The following GASK1B variants were observed in gnomAD, a reference collection of about 807,000 sequenced individuals.
The protein encoded by GASK1B is Golgi-associated kinase 1B.
A neutral mutation model predicts 42.8 loss-of-function variants in GASK1B; 34 were observed. The ratio of observed to expected loss-of-function variants is 0.79; its 90% CI spans 0.60 to 1.06. The LOEUF is 1.06. GASK1B is among the 50% of genes least tolerant of loss of function. GASK1B has a pLI of 0.00. For missense variants in GASK1B, 686 were observed against 661.0 expected (o/e 1.04, Z -0.42); for synonymous variants, 262 against 259.1 (o/e 1.01, Z -0.11).
At chr4:158,139,290 A>G (rs1216696187) in intron 3 of GASK1B, among the ~76,000 whole-genome samples, 3 of 152,208 alleles carry the variant, frequency 2.0e-5, no homozygotes, top group African/African-American at 7.2e-5. Flanking sequence ...TATACTTTAT[A>G]CAGTGCAGGT....
intron 2 of GASK1B, chr4:158,170,121 C>A (rs1458409493): frequency 2.9e-6 from 3 of 1,024,684 alleles, no homozygotes; most frequent in East Asian, 2.6e-5. Context: ...TCAGCAAGTT[C>A]TTTGCCTCCA....
At chr4:158,149,751 G>A (rs1433158151) in intron 3 of GASK1B, among the ~76,000 whole-genome samples, 1 of 151,878 alleles carries the variant, frequency 6.6e-6, no homozygotes, top group East Asian at 1.9e-4. Context: ...TTAATCCAAG[G>A]ATAACTTGGT....
rs1434589916 is a variant in GASK1B, at chr4:158,126,690, A to C, written c.*717T>G. The C allele has an allele frequency of 6.6e-6, 1 of 152,186 alleles. No individual in the cohort carries two copies. Among genetic ancestry groups the C allele is most frequent in the Non-Finnish European group, 1.5e-5 (1 of 68,026 alleles). 9.4% of individuals were successfully genotyped at this position (152,186 alleles called of 1,614,324 possible). A position where few individuals can be genotyped will look rare whatever the true frequency, so the allele number is the denominator to read the frequency against. ...TCAGCCACTAGATACAAATTGGACC[A>C]AAATAGAGAGAGTAAAACTCTTTAA... On this transcript the variant is annotated 3_prime_UTR_variant, in exon 5 of 5. Transcript: ENST00000585682.
Position 158,154,968 on chromosome 4 carries a change from T to C in GASK1B, c.1125+643A>G, listed in dbSNP as rs144809569. Among the ~76,000 whole-genome samples the C allele has an allele frequency of 8.5e-4, 129 of 152,214 alleles. 1 individual carries two copies. The highest frequency in any genetic ancestry group is 3.1e-3 in the African/African-American group (127 of 41,522). ...AAATCACCGCTAAATAATGTACCCA[T>C]GTAACAAAACACCACCTGTCCCCCC... is the stretch of plus-strand genomic sequence containing the variant. On this transcript the variant is annotated intron_variant, in intron 3 of 4. Transcript: ENST00000585682.
chr4:158,170,338 G>A (rs772098128), intron 2 of GASK1B, 128 bp downstream of exon 2: 10 of 1,614,150 alleles, frequency 6.2e-6, no homozygotes, highest in Admixed American at 1.7e-5. Flanking sequence ...AAGACACGCT[G>A]CTGCTGCTGC....
intron 2 of GASK1B, among the ~76,000 whole-genome samples, chr4:158,159,313 C>A (rs560428837): frequency 2.6e-5 from 4 of 152,102 alleles, no homozygotes. Context: ...GGCCTTCTTG[C>A]TACATATACG....
chr4:158,136,082 G>T lies in GASK1B; in HGVS notation c.1126-5070C>A, dbSNP rs529363414. Among the ~76,000 whole-genome samples the T allele has an allele frequency of 1.6e-4, 24 of 152,274 alleles. No individual in the cohort carries two copies. In the South Asian group the frequency reaches 3.1e-3, roughly 20 times the overall value. Reference sequence around the variant, plus strand: ...CAAATTATTATCAAAGTTTCTAAATGCTTACTTGTAACTTTGCATTATCTC... The same window carrying T: ...CAAATTATTATCAAAGTTTCTAAATTCTTACTTGTAACTTTGCATTATCTC... On this transcript the variant is annotated intron_variant, in intron 3 of 4. Coordinates refer to ENST00000585682, the MANE Select transcript of GASK1B (RefSeq NM_001128424.2).
At chr4:158,141,993 G>GGACT (rs1302731000) in intron 3 of GASK1B, among the ~76,000 whole-genome samples, 22 of 106,472 alleles carry the variant, frequency 2.1e-4, no homozygotes, top group African/African-American at 7.5e-4. Flanking sequence ...GCCGGACTGC[G>GGACT]GACTGCAGTG....
intron 2 of GASK1B, among the ~76,000 whole-genome samples, chr4:158,165,457 ATGTGAT>A (rs1732194616): frequency 6.6e-6 from 1 of 152,164 alleles, no homozygotes; most frequent in African/African-American, 2.4e-5. Flanking sequence ...ATTGATACAC[ATGTGAT>A]TGTTTATGGT....
At chr4:158,155,512 G>A in intron 3 of GASK1B, 99 bp downstream of exon 3, 1 of 1,041,418 alleles carries the variant, frequency 9.6e-7, no homozygotes, top group Non-Finnish European at 1.4e-6. Flanking sequence ...GTTATCACCA[G>A]CTTCATAAAA....
chr4:158,166,412 T>G (rs1181754040), intron 2 of GASK1B, among the ~76,000 whole-genome samples: 1 of 152,224 alleles, frequency 6.6e-6, no homozygotes, highest in Admixed American at 6.5e-5. Context: ...TGTCATTTGA[T>G]TAAATCAACA....
At chr4:158,155,435 G>A (rs1731719195) in intron 3 of GASK1B, among the ~76,000 whole-genome samples, 176 bp downstream of exon 3, 1 of 152,124 alleles carries the variant, frequency 6.6e-6, no homozygotes. Flanking sequence ...CCTGCTACCT[G>A]GAGGCCTCAT....
At chr4:158,133,099 C>T (rs976825774) in intron 3 of GASK1B, among the ~76,000 whole-genome samples, 11 of 152,082 alleles carry the variant, frequency 7.2e-5, no homozygotes, top group African/African-American at 2.7e-4. Flanking sequence ...TAAGAGAAAT[C>T]AAATGATATA....
intron 3 of GASK1B, among the ~76,000 whole-genome samples, chr4:158,143,624 T>C (rs1295213785): frequency 6.6e-6 from 1 of 152,140 alleles, no homozygotes; most frequent in African/African-American, 2.4e-5. Flanking sequence ...GCTACTTGAA[T>C]ATGAAACACT....
At chr4:158,133,801 T>C (rs1212412361) in intron 3 of GASK1B, among the ~76,000 whole-genome samples, 10 of 152,218 alleles carry the variant, frequency 6.6e-5, no homozygotes, top group Non-Finnish European at 1.3e-4. Context: ...GAGACATTAT[T>C]ACTGAAAACA....
rs1167635774 is a variant in GASK1B at position 158,124,720 on chromosome 4, A to G, written c.*2687T>C. ...ATGATATCAAATATATGCACACACA[A>G]ACACAATCCAACAAAATTCTTGACT... is the stretch of plus-strand genomic sequence containing the variant. On this transcript the variant is annotated 3_prime_UTR_variant, in exon 5 of 5. Coordinates refer to ENST00000585682, the MANE Select transcript of GASK1B (RefSeq NM_001128424.2). The G allele has an allele frequency of 6.6e-6, 1 of 152,198 alleles. No individual in the cohort carries two copies. Among genetic ancestry groups the G allele is most frequent in the African/African-American group, 2.4e-5 (1 of 41,466 alleles). 9.4% of individuals were successfully genotyped at this position (152,198 alleles called of 1,614,324 possible).
chr4:158,162,995 T>G (rs921986679), intron 2 of GASK1B, among the ~76,000 whole-genome samples: 6 of 152,176 alleles, frequency 3.9e-5, no homozygotes, highest in Non-Finnish European at 1.5e-5. Flanking sequence ...TATTATTCTT[T>G]CATCCTCAGT....
chr4:158,143,209 G>A (rs767147721), intron 3 of GASK1B, among the ~76,000 whole-genome samples: 8 of 152,172 alleles, frequency 5.3e-5, no homozygotes, highest in Non-Finnish European at 1.2e-4. Context: ...AAAGTAGACA[G>A]AGATAGAGAT....
At chr4:158,171,629 A>C in intron 1 of GASK1B, 30 bp from the exon 2 acceptor site, 1 of 375,482 alleles carries the variant, frequency 2.7e-6, no homozygotes, top group Non-Finnish European at 4.7e-6. Context: ...GAGTTAACTG[A>C]GTCACAATTT....
Sources: allele counts gnomAD v4.1 joint callset (sites outside exome capture counted in the v4.1 genomes callset), GRCh38; gene constraint gnomAD v4.1.1; transcripts MANE v1.5; gene names NCBI Gene and HGNC (gene_info 2026-07-23, HGNC 2026-07-21).